HMCN2: variants seen among roughly 807,000 people sequenced by gnomAD.
The protein encoded by HMCN2 is hemicentin 2.
In HMCN2, 325 loss-of-function variants were observed where a neutral mutation model predicts 377.5. That is an observed-to-expected ratio of 0.86 (90% CI 0.79 to 0.94). HMCN2 has a LOEUF of 0.94. Among genes scored for constraint, HMCN2 ranks in the 40% least tolerant of loss-of-function variants. The pLI, the probability that HMCN2 is intolerant of heterozygous loss-of-function variation, is 0.00. For synonymous variants in HMCN2, 2,007 were observed against 2,046.8 expected, an observed-to-expected ratio of 0.98 and a Z score of 0.53; for missense variants, 4,543 against 4,725.3, an observed-to-expected ratio of 0.96 and a Z score of 1.13.
rs2131593018 is a variant in HMCN2, at chr9:130,369,712, T to G, written c.6930T>G (p.Ala2310=). 1.0e-6 allele frequency: 1 copy of G among 985,970 alleles called. No individual in the cohort carries two copies. Among genetic ancestry groups the G allele is most frequent in the East Asian group, 1.1e-4 (1 of 8,820 alleles). The allele number at this position is 985,970 out of a possible 1,614,324, so 61.1% of individuals were successfully genotyped here. A position where few individuals can be genotyped will look rare whatever the true frequency, so the allele number is the denominator to read the frequency against. Residue 2310 remains alanine, a synonymous_variant, in exon 45 of 98, where the codon GCT becomes GCG. Transcript: ENST00000683500. This position sits in a 1 kb window ranked among gnomAD's most constrained non-coding sequence, Gnocchi z 4.5. ...AGCGGGACGGCCAGCCCGTGGGGGC[T>G]GAACTGGGCCTGCAGCTGCAGAACC... ...TWERDGQPVG[A]ELGLQLQNQG...
intron 25 of HMCN2, among the ~76,000 whole-genome samples, chr9:130,345,115 TGTGTGTG>T (rs1483821247): frequency 1.9e-4 from 5 of 25,950 alleles, no homozygotes; most frequent in Middle Eastern, 0.042. Context: ...TGGTATGTAT[TGTGTGTG>T]GTGTGTGGTG....
At chr9:130,413,044 T>C (rs1200656405) in intron 85 of HMCN2, among the ~76,000 whole-genome samples, 1 of 152,242 alleles carries the variant, frequency 6.6e-6, no homozygotes, top group African/African-American at 2.4e-5. Flanking sequence ...TGTTTTGTAG[T>C]TTTGAATGTA....
chr9:130,433,046 T>G, intron 97 of HMCN2: 1 of 419,442 alleles, frequency 2.4e-6, no homozygotes, highest in African/African-American at 2.1e-5. Context: ...ACTGGGTGAC[T>G]TGGCCCAGGG....
Position 130,423,012 on chromosome 9 carries a change from G to A in HMCN2, c.13381+286G>A, listed in dbSNP as rs577637283. On this transcript the variant is annotated intron_variant, in intron 87 of 97. Transcript: ENST00000683500. This position sits in a 1 kb window ranked among gnomAD's most constrained non-coding sequence, Gnocchi z 5.5. ...CGGTCAGTGTTCTGGGGGTGCGGGC[G>A]CTCAGATTGTGGTTTCCCAAGCCAC... Among the ~76,000 whole-genome samples, 4 of 152,172 alleles carry A rather than the reference G, an allele frequency of 2.6e-5. No homozygotes were observed. The highest frequency in any genetic ancestry group is 2.1e-4 in the South Asian group (1 of 4,826).
chr9:130,372,959 T>G (rs1327512436), intron 47 of HMCN2, 79 bp from the exon 48 acceptor site: 1 of 256,736 alleles, frequency 3.9e-6, no homozygotes, highest in Non-Finnish European at 6.1e-6. Flanking sequence ...TGGCTTCTTG[T>G]TCTGTGATTG....
rs1477138763 is a variant in HMCN2, at chr9:130,400,951, A to G, written c.11770+4A>G. The G allele has an allele frequency of 2.3e-6, 3 of 1,285,408 alleles. No individual in the cohort carries two copies. Among genetic ancestry groups the G allele is most frequent in the Non-Finnish European group, 2.0e-6 (2 of 987,018 alleles). The allele number at this position is 1,285,408 out of a possible 1,614,324, so 79.6% of individuals were successfully genotyped here. ...GGCTATCGTGTCTCACCATCGGGTA[A>G]GTAAGGGTAAGCCACAGAGAGAGGC... is the stretch of plus-strand genomic sequence containing the variant. On this transcript the variant is annotated splice_donor_region_variant and intron_variant, in intron 77 of 97. Transcript: ENST00000683500.
At position 130,393,083 on chromosome 9, in the gene HMCN2, G is replaced by A. The variant is rs533171984; in HGVS notation, c.10137-129G>A. Reference sequence around the variant, plus strand: ...GCCCCCTCTGGCCAGCAAGCTCTTGGGAGACAAAGGTTGGAAAAGGGAGGA... The same window carrying A: ...GCCCCCTCTGGCCAGCAAGCTCTTGAGAGACAAAGGTTGGAAAAGGGAGGA... On this transcript the variant is annotated intron_variant, in intron 66 of 97. Coordinates refer to ENST00000683500, the MANE Select transcript of HMCN2 (RefSeq NM_001291815.2). This position sits in a 1 kb window ranked among gnomAD's most constrained non-coding sequence, Gnocchi z 5.2. The A allele has an allele frequency of 2.2e-6, 1 of 445,322 alleles. No individual in the cohort carries two copies. Among genetic ancestry groups the A allele is most frequent in the South Asian group, 9.5e-5 (1 of 10,514 alleles). The allele number at this position is 445,322 out of a possible 1,614,324, so 27.6% of individuals were successfully genotyped here.
chr9:130,426,998 T>A (rs1844419047), intron 90 of HMCN2, among the ~76,000 whole-genome samples: 2 of 152,194 alleles, frequency 1.3e-5, no homozygotes, highest in African/African-American at 4.8e-5. Context: ...TGTGCATTGC[T>A]GCTATGGTCT....
intron 4 of HMCN2, among the ~76,000 whole-genome samples, chr9:130,291,924 C>CT (rs1215773215): frequency 2.0e-5 from 3 of 151,366 alleles, no homozygotes; most frequent in Non-Finnish European, 4.4e-5. Context: ...GCCATCAGCT[C>CT]TTTTTTTATG....
chr9:130,432,778 C>T, intron 97 of HMCN2: 2 of 584,818 alleles, frequency 3.4e-6, no homozygotes, highest in South Asian at 4.0e-5. Flanking sequence ...CTCACACAAC[C>T]CCAGGACAAA....
Position 130,355,005 on chromosome 9 carries a change from G to A in HMCN2, c.5107G>A (p.Ala1703Thr). ...GLYSCVASSPAGEAVLQYSVE... is the reference protein window; with the variant it reads ...GLYSCVASSPTGEAVLQYSVE... ...GTACAGCTGTGTGGCCAGCAGTCCTGCCGGGGAAGCCGTCCTGCAGTACTC... is the reference window on the plus strand; with the variant it reads ...GTACAGCTGTGTGGCCAGCAGTCCTACCGGGGAAGCCGTCCTGCAGTACTC... The change falls in exon 32 of 98, where the codon GCC becomes ACC. Residue 1703 changes from alanine to threonine, a missense_variant. Coordinates refer to ENST00000683500, the MANE Select transcript of HMCN2 (RefSeq NM_001291815.2). 3 of 1,293,202 alleles carry A rather than the reference G, an allele frequency of 2.3e-6. No individual in the cohort carries two copies. The highest frequency in any genetic ancestry group is 3.0e-6 in the Non-Finnish European group (3 of 988,338). The allele number at this position is 1,293,202 out of a possible 1,614,324, so 80.1% of individuals were successfully genotyped here.
chr9:130,428,355 C>A lies in HMCN2; in HGVS notation c.14066-3C>A. The A allele has an allele frequency of 6.5e-7, 1 of 1,545,116 alleles. No individual in the cohort carries two copies. The highest frequency in any genetic ancestry group is 8.7e-7 in the Non-Finnish European group (1 of 1,145,128). On this transcript the variant is annotated splice_polypyrimidine_tract_variant and splice_region_variant and intron_variant, in intron 92 of 97. Coordinates refer to ENST00000683500, the MANE Select transcript of HMCN2 (RefSeq NM_001291815.2). The surrounding 1 kb of genome is among the most constrained non-coding windows in gnomAD (Gnocchi z 5.0). ...ACAGCCGTCTGCCCTGATCTGCCCC[C>A]AGATGTGGACGAGTGTGCGTGGGAT...
Position 130,360,304 on chromosome 9 carries a change from A to T in HMCN2, c.5774-124A>T. Reference sequence around the variant, plus strand: ...GGCAGCACCCTTGCTTCTCTCTTCCATTCCCCCTTGCATCTCTCTTCCTTT... The same window carrying T: ...GGCAGCACCCTTGCTTCTCTCTTCCTTTCCCCCTTGCATCTCTCTTCCTTT... On this transcript the variant is annotated intron_variant, in intron 37 of 97. Coordinates refer to ENST00000683500, the MANE Select transcript of HMCN2 (RefSeq NM_001291815.2). The surrounding 1 kb of genome is among the most constrained non-coding windows in gnomAD (Gnocchi z 4.7). 1 of 603,114 alleles carries T rather than the reference A, an allele frequency of 1.7e-6. No homozygotes were observed. Among genetic ancestry groups the T allele is most frequent in the Non-Finnish European group, 2.5e-6 (1 of 400,142 alleles). 37.4% of individuals were successfully genotyped at this position (603,114 alleles called of 1,614,324 possible). A position where few individuals can be genotyped will look rare whatever the true frequency, so the allele number is the denominator to read the frequency against.
In HMCN2 at chr9:130,390,927, A is replaced by G. The variant is rs534256449; in HGVS notation, c.9524-50A>G. 6.1e-6 allele frequency: 6 copies of G among 983,634 alleles called. No individual in the cohort carries two copies. The South Asian group carries it at 1.4e-4, about 23-fold the overall frequency. The allele number at this position is 983,634 out of a possible 1,614,324, so 60.9% of individuals were successfully genotyped here. On this transcript the variant is annotated intron_variant, in intron 62 of 97. Coordinates refer to ENST00000683500, the MANE Select transcript of HMCN2 (RefSeq NM_001291815.2). ...CTGCCTCTGTGGGGCTCAGTTTCCT[A>G]TGAGCACAAGAAGGGGCTGGGGGAT... is the stretch of plus-strand genomic sequence containing the variant.
chr9:130,278,496 C>G (rs533134909), intron 1 of HMCN2, among the ~76,000 whole-genome samples: 1 of 152,288 alleles, frequency 6.6e-6, no homozygotes, highest in East Asian at 1.9e-4. Flanking sequence ...GTTTGTGGAT[C>G]TGGACATTGT....
Position 130,426,760 on chromosome 9 carries a change from A to ATTT in HMCN2, c.13880-539_13880-537dup, listed in dbSNP as rs71387349. Among the ~76,000 whole-genome samples the ATTT allele has an allele frequency of 6.0e-3, 857 of 143,588 alleles. 6 individuals are homozygous for ATTT. Among genetic ancestry groups the ATTT allele is most frequent in the African/African-American group, 9.2e-3 (357 of 38,670 alleles). 94.2% of individuals were successfully genotyped at this position (143,588 alleles called of 152,430 possible). On this transcript the variant is annotated intron_variant, in intron 90 of 97. Transcript: ENST00000683500. ...TTAAAACATTATGATATTTTTTGTG[A>ATTT]TTTTTTTTTTTTTTTTAGCTCATCA...
chr9:130,399,311 A>C (rs970509668), intron 75 of HMCN2, among the ~76,000 whole-genome samples, 200 bp from the exon 76 acceptor site: 1 of 152,168 alleles, frequency 6.6e-6, no homozygotes, highest in Non-Finnish European at 1.5e-5. Flanking sequence ...ATGTACAGAG[A>C]AACAGGGATG....
intron 85 of HMCN2, among the ~76,000 whole-genome samples, chr9:130,418,503 C>T (rs1266849117): frequency 6.6e-6 from 1 of 152,056 alleles, no homozygotes; most frequent in Non-Finnish European, 1.5e-5. Context: ...GCTGAGATCG[C>T]ACCACTGCAC....
At position 130,414,536 on chromosome 9, in the gene HMCN2, G is replaced by T. The variant is rs1843588259; in HGVS notation, c.12961+3884G>T. Among the ~76,000 whole-genome samples, 1 of 151,660 alleles carries T rather than the reference G, an allele frequency of 6.6e-6. No individual in the cohort carries two copies. The highest frequency in any genetic ancestry group is 2.4e-5 in the African/African-American group (1 of 41,272). On this transcript the variant is annotated intron_variant, in intron 85 of 97. Coordinates refer to ENST00000683500, the MANE Select transcript of HMCN2 (RefSeq NM_001291815.2). This position sits in a 1 kb window ranked among gnomAD's most constrained non-coding sequence, Gnocchi z 4.4. ...AGGAAAAGCTCAACTTACACACCAG[G>T]AACAAGGAAAATCTCAATGAAAGCA...
Sources: gnomAD v4.1 joint callset for allele counts (sites outside exome capture counted in the v4.1 genomes callset) on GRCh38, gnomAD v4.1.1 for gene constraint, Gnocchi (gnomAD v3.1) non-coding constraint, MANE v1.5 for transcripts, NCBI Gene and HGNC (gene_info 2026-07-23, HGNC 2026-07-21) for gene names.